The following NUBPL variants were observed in gnomAD, a reference collection of about 807,000 sequenced individuals.
The protein encoded by NUBPL is iron-sulfur cluster transfer protein NUBPL.
In NUBPL, 31 loss-of-function variants were observed where a neutral mutation model predicts 45.7. The ratio of observed to expected loss-of-function variants is 0.68; its 90% CI spans 0.51 to 0.92. The LOEUF (loss-of-function observed/expected upper bound fraction) is 0.92. Ranked by LOEUF, NUBPL falls within the 40% of genes least tolerant of loss-of-function variation. The pLI is 0.00. For synonymous variants in NUBPL, 144 were observed against 140.9 expected (o/e 1.02, Z -0.15); for missense variants, 401 against 398.7 (o/e 1.01, Z -0.05).
chr14:31,789,884 T>G (rs1383365855), intron 7 of NUBPL, among the ~76,000 whole-genome samples: 1 of 151,940 alleles, frequency 6.6e-6, no homozygotes, highest in Non-Finnish European at 1.5e-5. Flanking sequence ...AATAATTCAT[T>G]TTTTCATACT....
At chr14:31,801,874 G>T (rs528985890) in intron 7 of NUBPL, among the ~76,000 whole-genome samples, 102 of 152,246 alleles carry the variant, frequency 6.7e-4, no homozygotes, top group African/African-American at 2.4e-3. Flanking sequence ...ATCCTGTTTT[G>T]ATTTCTTATC....
chr14:31,654,248 A>G, intron 4 of NUBPL: 1 of 266,002 alleles, frequency 3.8e-6, no homozygotes, highest in African/African-American at 2.2e-5. Flanking sequence ...ATGTACCTTA[A>G]TTAAAAATAT....
chr14:31,843,761 A>G (rs959867744), intron 8 of NUBPL: 6 of 152,118 alleles, frequency 3.9e-5, no homozygotes, highest in African/African-American at 1.4e-4. Flanking sequence ...TTTAAGATCA[A>G]ATGTTTCTTC....
intron 6 of NUBPL, among the ~76,000 whole-genome samples, chr14:31,760,126 A>AGTATGTGTGT (rs1555335595): frequency 3.4e-5 from 1 of 29,816 alleles, no homozygotes; most frequent in Non-Finnish European, 6.2e-5. Context: ...TTCTGACTTT[A>AGTATGTGTGT]GTGTGTGTGT....
At chr14:31,597,051 T>C (rs1361880741) in intron 3 of NUBPL, among the ~76,000 whole-genome samples, 1 of 152,194 alleles carries the variant, frequency 6.6e-6, no homozygotes, top group Non-Finnish European at 1.5e-5. Flanking sequence ...CTAATGTCCC[T>C]TTATCCTGTT....
At chr14:31,733,545 A>C (rs555750678) in intron 6 of NUBPL, among the ~76,000 whole-genome samples, 6 of 152,160 alleles carry the variant, frequency 3.9e-5, no homozygotes, top group Non-Finnish European at 8.8e-5. Context: ...ATAAAGGTAC[A>C]TATTTTGTTG....
At chr14:31,652,906 TAAAGAG>T (rs1595440862) in intron 4 of NUBPL, among the ~76,000 whole-genome samples, 1 of 152,038 alleles carries the variant, frequency 6.6e-6, no homozygotes, top group East Asian at 1.9e-4. Flanking sequence ...GTCTGAGAAA[TAAAGAG>T]AAAGAGTAAA....
At chr14:31,616,199 G>A (rs1461419537) in intron 4 of NUBPL, among the ~76,000 whole-genome samples, 2 of 152,076 alleles carry the variant, frequency 1.3e-5, no homozygotes, top group Non-Finnish European at 2.9e-5. Flanking sequence ...TTTGTCAGAT[G>A]GATAGATTGC....
intron 6 of NUBPL, among the ~76,000 whole-genome samples, chr14:31,705,832 G>T (rs2037437994): frequency 6.6e-6 from 1 of 152,194 alleles, no homozygotes; most frequent in South Asian, 2.1e-4. Context: ...CACTCTGGCA[G>T]CCCAGAAGGA....
chr14:31,670,309 C>T (rs767176829), intron 4 of NUBPL, among the ~76,000 whole-genome samples: 7 of 152,072 alleles, frequency 4.6e-5, no homozygotes, highest in Non-Finnish European at 1.0e-4. Flanking sequence ...ATGTCCTTTG[C>T]CCACTTTTAA....
chr14:31,760,064 T>C (rs1390613171), intron 6 of NUBPL, among the ~76,000 whole-genome samples: 2 of 151,000 alleles, frequency 1.3e-5, no homozygotes, highest in Admixed American at 6.6e-5. Context: ...TAGTCACCAC[T>C]AGAGTTGTAC....
intron 6 of NUBPL, among the ~76,000 whole-genome samples, chr14:31,681,042 G>T (rs2036820865): frequency 6.6e-6 from 1 of 152,008 alleles, no homozygotes; most frequent in Non-Finnish European, 1.5e-5. Flanking sequence ...TTTTTTTCAA[G>T]TGTTATATGA....
At chr14:31,572,116 G>C (rs755027913) in intron 3 of NUBPL, among the ~76,000 whole-genome samples, 2 of 151,900 alleles carry the variant, frequency 1.3e-5, no homozygotes, top group Non-Finnish European at 2.9e-5. Context: ...TTGGTGTATT[G>C]CTCCTATTTT....
At chr14:31,799,563 G>A (rs1308335151) in intron 7 of NUBPL, among the ~76,000 whole-genome samples, 4 of 152,148 alleles carry the variant, frequency 2.6e-5, no homozygotes, top group Non-Finnish European at 5.9e-5. Flanking sequence ...AATCAAGCAA[G>A]TTGCATGAAC....
intron 3 of NUBPL, among the ~76,000 whole-genome samples, chr14:31,591,513 T>C (rs561146045): frequency 4.3e-4 from 65 of 152,288 alleles, no homozygotes; most frequent in African/African-American, 1.5e-3. Flanking sequence ...TGTAATAGAT[T>C]TTCTTTCATG....
At chr14:31,818,856 T>C (rs1481257818) in intron 7 of NUBPL, among the ~76,000 whole-genome samples, 1 of 152,236 alleles carries the variant, frequency 6.6e-6, no homozygotes, top group Admixed American at 6.5e-5. Flanking sequence ...CCAATTGATA[T>C]AATTTTCTGT....
chr14:31,746,392 T>A (rs2038400811), intron 6 of NUBPL, among the ~76,000 whole-genome samples: 2 of 152,068 alleles, frequency 1.3e-5, no homozygotes, highest in African/African-American at 4.8e-5. Context: ...AGAATTTTTA[T>A]CACGAATGAC....
At chr14:31,649,207 A>G (rs540928955) in intron 4 of NUBPL, among the ~76,000 whole-genome samples, 5 of 152,332 alleles carry the variant, frequency 3.3e-5, no homozygotes, top group African/African-American at 1.2e-4. Context: ...ACAGTGTCAG[A>G]ACCTTTAAGA....
chr14:31,597,902 A>G (rs1267686613), intron 3 of NUBPL, among the ~76,000 whole-genome samples: 1 of 151,836 alleles, frequency 6.6e-6, no homozygotes. Flanking sequence ...TGTTATCCAT[A>G]GTAAATTTAA....
Sources: gnomAD v4.1 joint callset for allele counts (sites outside exome capture counted in the v4.1 genomes callset) on GRCh38, gnomAD v4.1.1 for gene constraint, MANE v1.5 for transcripts, NCBI Gene and HGNC (gene_info 2026-07-23, HGNC 2026-07-21) for gene names.